Variants in TNFAIP8L3 observed in about 807,000 individuals in gnomAD.
TNFAIP8L3 encodes the protein TNF alpha induced protein 8 like 3.
In TNFAIP8L3, 7 loss-of-function variants were observed where a neutral mutation model predicts 11.8. That is an observed-to-expected ratio of 0.59 (90% CI 0.34 to 1.11). TNFAIP8L3 has a LOEUF of 1.11. Among genes scored for constraint, TNFAIP8L3 ranks in the 50% most tolerant of loss-of-function variants. TNFAIP8L3 has a pLI of 0.03. For synonymous variants in TNFAIP8L3, 98 were observed against 103.8 expected (o/e 0.94, Z 0.34); for missense variants, 219 against 258.6 (o/e 0.85, Z 1.05).
At chr15:51,077,666 G>A (rs2065362593) in intron 1 of TNFAIP8L3, among the ~76,000 whole-genome samples, 1 of 152,210 alleles carries the variant, frequency 6.6e-6, no homozygotes, top group Admixed American at 6.5e-5. Flanking sequence ...TGCCGGTCCC[G>A]TAAGAAACCC....
intron 1 of TNFAIP8L3, among the ~76,000 whole-genome samples, chr15:51,077,681 C>G (rs1458293321): frequency 6.6e-6 from 1 of 152,218 alleles, no homozygotes; most frequent in Non-Finnish European, 1.5e-5. Context: ...AAACCCGCAA[C>G]CCAGAGGGAG....
chr15:51,077,600 C>G lies in TNFAIP8L3; in HGVS notation c.52+16944G>C, dbSNP rs929688360. 3.3e-5 allele frequency among the ~76,000 whole-genome samples: 5 copies of G among 152,290 alleles called. No homozygotes were observed. In the East Asian group the frequency reaches 9.7e-4, roughly 30 times the overall value. ...TAGAGACAGGAGACAGCCAAGGGGTCCCTTGCAAAACACCCCATTCAAGCC... is the reference window on the plus strand; with the variant it reads ...TAGAGACAGGAGACAGCCAAGGGGTGCCTTGCAAAACACCCCATTCAAGCC... On this transcript the variant is annotated intron_variant, in intron 1 of 1. Coordinates refer to ENST00000637513, the MANE Select transcript of TNFAIP8L3 (RefSeq NM_001311175.2).
chr15:51,085,554 A>G (rs1362834469), intron 1 of TNFAIP8L3, among the ~76,000 whole-genome samples: 1 of 152,080 alleles, frequency 6.6e-6, no homozygotes, highest in Non-Finnish European at 1.5e-5. Flanking sequence ...AGAACACAGT[A>G]GAAGGTGTCA....
intron 1 of TNFAIP8L3, among the ~76,000 whole-genome samples, chr15:51,067,791 A>G (rs2065281631): frequency 6.6e-6 from 1 of 152,254 alleles, no homozygotes; most frequent in Admixed American, 6.5e-5. Flanking sequence ...AATGCCTGAA[A>G]GAAACAAAAC....
At chr15:51,064,087 C>T (rs532365497) in intron 1 of TNFAIP8L3, among the ~76,000 whole-genome samples, 2 of 152,252 alleles carry the variant, frequency 1.3e-5, no homozygotes, top group South Asian at 4.2e-4. Context: ...TCAAAAGTGT[C>T]ATGTAGAGGA....
upstream of TNFAIP8L3, among the ~76,000 whole-genome samples, chr15:51,098,749 G>A (rs547490739): frequency 8.7e-4 from 133 of 152,296 alleles, 2 homozygotes; most frequent in African/African-American, 3.0e-3. Context: ...TTCCTTCTGT[G>A]TGTGTACAGT....
At chr15:51,103,883 T>C (rs1222631808) in intron 1 of TNFAIP8L3, among the ~76,000 whole-genome samples, 1 of 151,636 alleles carries the variant, frequency 6.6e-6, no homozygotes. Flanking sequence ...TGTGCCTACT[T>C]CCTTAGTATA....
In TNFAIP8L3 at chr15:51,071,140, AAAACATATACAT is replaced by A. The variant is rs201487024; in HGVS notation, c.53-12709_53-12698del. The stretch of plus-strand genomic sequence containing the variant: ...AATAGATAAAAATATGTAATGCCTA[AAAACATATACAT>A]AAACATAAACAAAATAGAAGATAAT... On this transcript the variant is annotated intron_variant, in intron 1 of 1. Transcript: ENST00000637513. Among the ~76,000 whole-genome samples the A allele has an allele frequency of 9.1e-3, 1,381 of 152,218 alleles. 12 individuals carry two copies. The highest frequency in any genetic ancestry group is 0.024 in the Middle Eastern group (7 of 292).
intron 1 of TNFAIP8L3, among the ~76,000 whole-genome samples, chr15:51,102,344 G>GT (rs1567299863): frequency 1.3e-5 from 2 of 152,096 alleles, no homozygotes; most frequent in Non-Finnish European, 2.9e-5. Flanking sequence ...TCCTAAATTT[G>GT]TTTTTTTCTT....
At position 51,057,032 on chromosome 15, in the gene TNFAIP8L3, C is replaced by T. The variant is rs1396060925; in HGVS notation, c.*849G>A. 1 of 152,172 alleles carries T rather than the reference C, an allele frequency of 6.6e-6. No homozygotes were observed. 9.4% of individuals were successfully genotyped at this position (152,172 alleles called of 1,614,324 possible). On this transcript the variant is annotated 3_prime_UTR_variant, in exon 2 of 2. Coordinates refer to ENST00000637513, the MANE Select transcript of TNFAIP8L3 (RefSeq NM_001311175.2). ...TCAAACAATTCTCCTGCCTCAGCCT[C>T]CTGAGTAGCTGGGATTACAGGCGTG...
intron 1 of TNFAIP8L3, among the ~76,000 whole-genome samples, chr15:51,077,443 C>T (rs918371260): frequency 6.6e-6 from 1 of 152,354 alleles, no homozygotes. Flanking sequence ...TTGCTCAGCG[C>T]AGCTCCTCCC....
rs1386477707 is a variant in TNFAIP8L3 at position 51,073,944 on chromosome 15, A to G, written c.53-15501T>C. ...AGATGATCATATAATTTATCTTATA[A>G]TATGTAAATTTAACCAATTATTCAA... On this transcript the variant is annotated intron_variant, in intron 1 of 1. Coordinates refer to ENST00000637513, the MANE Select transcript of TNFAIP8L3 (RefSeq NM_001311175.2). Among the ~76,000 whole-genome samples the G allele has an allele frequency of 7.9e-5, 12 of 152,250 alleles. 1 individual carries two copies. Among genetic ancestry groups the G allele is most frequent in the Admixed American group, 7.9e-4 (12 of 15,286 alleles).
chr15:51,072,329 G>C (rs996055472), intron 1 of TNFAIP8L3, among the ~76,000 whole-genome samples: 2 of 152,068 alleles, frequency 1.3e-5, no homozygotes, highest in Non-Finnish European at 2.9e-5. Flanking sequence ...TAGTACAGAT[G>C]GGGTTTCTCT....
chr15:51,104,222 C>G (rs756237208), intron 1 of TNFAIP8L3, among the ~76,000 whole-genome samples: 8 of 152,138 alleles, frequency 5.3e-5, no homozygotes, highest in Non-Finnish European at 7.4e-5. Flanking sequence ...TTACCCTTTC[C>G]TTTCCATCTC....
chr15:51,068,324 T>G (rs1045980515), intron 1 of TNFAIP8L3, among the ~76,000 whole-genome samples: 1 of 152,086 alleles, frequency 6.6e-6, no homozygotes, highest in African/African-American at 2.4e-5. Flanking sequence ...AATTCATCCC[T>G]GAGTTCCAGG....
In TNFAIP8L3 at chr15:51,057,590, C is replaced by T; in HGVS notation, c.*291G>A. The T allele has an allele frequency of 3.7e-6, 1 of 269,896 alleles. No homozygotes were observed. The highest frequency in any genetic ancestry group is 7.0e-6 in the Non-Finnish European group (1 of 142,352). The allele number at this position is 269,896 out of a possible 1,614,324, so 16.7% of individuals were successfully genotyped here. A position where few individuals can be genotyped will look rare whatever the true frequency, so the allele number is the denominator to read the frequency against. ...TCCTGGTTTAGTGCTCCTCCCACTC[C>T]ATGAGATGAACAGCACTCACTGTAA... On this transcript the variant is annotated 3_prime_UTR_variant, in exon 2 of 2. Coordinates refer to ENST00000637513, the MANE Select transcript of TNFAIP8L3 (RefSeq NM_001311175.2).
chr15:51,081,483 C>G (rs752964197), intron 1 of TNFAIP8L3, among the ~76,000 whole-genome samples: 24 of 152,116 alleles, frequency 1.6e-4, no homozygotes, highest in Admixed American at 6.5e-5. Flanking sequence ...TGTCATGTGC[C>G]CCATGACTCC....
rs2065448018 is a variant in TNFAIP8L3 at position 51,088,944 on chromosome 15, T to G, written c.52+5600A>C. Among the ~76,000 whole-genome samples, 3 of 152,168 alleles carry G rather than the reference T, an allele frequency of 2.0e-5. No individual in the cohort carries two copies. In the South Asian group the frequency reaches 6.2e-4, roughly 32 times the overall value. On this transcript the variant is annotated intron_variant, in intron 1 of 1. Transcript: ENST00000637513. The stretch of plus-strand genomic sequence containing the variant: ...ACTTGCCTTTAATGACTGCTTATTT[T>G]GGGGGTGTAAAGGTATAAAGACCTG...
At chr15:51,076,012 C>T (rs1394654344) in intron 1 of TNFAIP8L3, among the ~76,000 whole-genome samples, 1 of 151,936 alleles carries the variant, frequency 6.6e-6, no homozygotes, top group Non-Finnish European at 1.5e-5. Context: ...CAGTGTTCTA[C>T]TTGATTTTTT....
Sources: allele counts gnomAD v4.1 joint callset (sites outside exome capture counted in the v4.1 genomes callset), GRCh38; gene constraint gnomAD v4.1.1; transcripts MANE v1.5; gene names NCBI Gene and HGNC (gene_info 2026-07-23, HGNC 2026-07-21).